The following ARID4B variants were observed in gnomAD, a reference collection of about 807,000 sequenced individuals.
The protein encoded by ARID4B is AT-rich interaction domain 4B.
In ARID4B, 26 loss-of-function variants were observed where a neutral mutation model predicts 147.5. That is an observed-to-expected ratio of 0.18 (90% confidence interval 0.13 to 0.24). The LOEUF (loss-of-function observed/expected upper bound fraction) is 0.24. Ranked by LOEUF, ARID4B falls within the 10% of genes least tolerant of loss-of-function variation. The probability of loss-of-function intolerance (pLI) is 1.00; values close to 1 mark genes in which losing one functional copy is unlikely to be tolerated. For missense variants in ARID4B, 1,179 were observed against 1,511.5 expected, an observed-to-expected ratio of 0.78 and a Z score of 3.65; for synonymous variants, 512 against 507.9, an observed-to-expected ratio of 1.01 and a Z score of -0.11.
chr1:235,297,912 G>T (rs1352632470), intron 2 of ARID4B, among the ~76,000 whole-genome samples: 1 of 152,188 alleles, frequency 6.6e-6, no homozygotes, highest in African/African-American at 2.4e-5. Context: ...ACTGCAATAT[G>T]AAGACTTTAT....
At chr1:235,174,694 C>A (rs1404043382) in intron 22 of ARID4B, among the ~76,000 whole-genome samples, 1 of 151,826 alleles carries the variant, frequency 6.6e-6, no homozygotes, top group Non-Finnish European at 1.5e-5. Flanking sequence ...CGTCTGTAAT[C>A]CCAACTACTC....
chr1:235,306,602 C>T (rs1046392780), intron 2 of ARID4B, among the ~76,000 whole-genome samples: 4 of 152,074 alleles, frequency 2.6e-5, no homozygotes, highest in Non-Finnish European at 4.4e-5. Flanking sequence ...AAAGCATCTG[C>T]TTAACATTCC....
intron 17 of ARID4B, among the ~76,000 whole-genome samples, chr1:235,213,286 GAATAAGGCTGT>G (rs2103006889): frequency 6.6e-6 from 1 of 152,250 alleles, no homozygotes; most frequent in East Asian, 1.9e-4. Flanking sequence ...TGAGACTTCT[GAATAAGGCTGT>G]AATGCAATAG....
intron 7 of ARID4B, among the ~76,000 whole-genome samples, chr1:235,241,461 A>T (rs1252313360): frequency 6.6e-6 from 1 of 152,200 alleles, no homozygotes; most frequent in East Asian, 1.9e-4. Context: ...AAAGTATGAC[A>T]AAGTAACCGT....
intron 19 of ARID4B, among the ~76,000 whole-genome samples, chr1:235,186,089 C>A: frequency 6.6e-6 from 1 of 151,888 alleles, no homozygotes; most frequent in South Asian, 2.1e-4. Flanking sequence ...CCTGCCTCAG[C>A]CTCCTGAGTA....
rs869157061 is a variant in ARID4B at position 235,236,862 on chromosome 1, A to AT, written c.586-2371dup. 7.9e-3 allele frequency among the ~76,000 whole-genome samples: 139 copies of AT among 17,496 alleles called. 24 individuals are homozygous for AT. Among genetic ancestry groups the AT allele is most frequent in the Admixed American group, 0.011 (9 of 816 alleles). The allele number at this position is 17,496 out of a possible 152,430, so 11.5% of individuals were successfully genotyped here. The stretch of plus-strand genomic sequence containing the variant: ...TATATATATATATATATATATATAT[A>AT]TTTTTTTTTTTTTTTTTTTTTTTTT... On this transcript the variant is annotated intron_variant, in intron 8 of 23. Coordinates refer to ENST00000264183, the MANE Select transcript of ARID4B (RefSeq NM_016374.6).
At chr1:235,220,740 T>G (rs1014732636) in intron 14 of ARID4B, among the ~76,000 whole-genome samples, 195 bp from the exon 15 acceptor site, 1 of 152,122 alleles carries the variant, frequency 6.6e-6, no homozygotes, top group Non-Finnish European at 1.5e-5. Flanking sequence ...TTTAAAACAC[T>G]GTGCTCAGAG....
chr1:235,247,847 G>C (rs1269190192), intron 6 of ARID4B, among the ~76,000 whole-genome samples: 1 of 152,002 alleles, frequency 6.6e-6, no homozygotes, highest in Non-Finnish European at 1.5e-5. Context: ...AATTAGCCTG[G>C]CATGGTGGTG....
intron 13 of ARID4B, among the ~76,000 whole-genome samples, chr1:235,222,058 C>T (rs1667510103): frequency 6.6e-6 from 1 of 151,824 alleles, no homozygotes; most frequent in Non-Finnish European, 1.5e-5. Context: ...TATAGATGCA[C>T]ACCACCACAC....
At chr1:235,294,812 C>T (rs2103223343) in intron 2 of ARID4B, among the ~76,000 whole-genome samples, 1 of 151,506 alleles carries the variant, frequency 6.6e-6, no homozygotes, top group Admixed American at 6.6e-5. Flanking sequence ...CCGTGCCCAG[C>T]CATATCTTTT....
At chr1:235,234,183 CTGAG>C (rs150087093) in intron 9 of ARID4B, among the ~76,000 whole-genome samples, 11 of 152,248 alleles carry the variant, frequency 7.2e-5, no homozygotes, top group African/African-American at 2.6e-4. Context: ...TTAGACAGTA[CTGAG>C]TGTCTAGTTT....
intron 2 of ARID4B, among the ~76,000 whole-genome samples, chr1:235,315,253 G>A (rs761670099): frequency 3.3e-5 from 5 of 152,084 alleles, no homozygotes; most frequent in Admixed American, 1.3e-4. Context: ...AGGAGACCCC[G>A]TCTCTACCAA....
chr1:235,172,128 G>C (rs1429273670), intron 23 of ARID4B, among the ~76,000 whole-genome samples: 12 of 152,086 alleles, frequency 7.9e-5, no homozygotes, highest in African/African-American at 2.9e-4. Context: ...CTATGAAAGT[G>C]AATATTATGA....
intron 2 of ARID4B, among the ~76,000 whole-genome samples, chr1:235,276,268 T>C (rs1018709621): frequency 6.6e-5 from 10 of 151,870 alleles, no homozygotes. Context: ...TTAGTAGCAT[T>C]AGCAAACTAA....
rs182351087 is a variant in ARID4B at position 235,326,998 on chromosome 1, A to C, written c.-49-30T>G. 16,227 of 1,458,262 alleles carry C rather than the reference A, an allele frequency of 0.011. 128 individuals carry two copies. The highest frequency in any genetic ancestry group is 0.012 in the Non-Finnish European group (12,659 of 1,038,974). 90.3% of individuals were successfully genotyped at this position (1,458,262 alleles called of 1,614,324 possible). ...AGGGGAAACAAAAGACACCCAGTCA[A>C]CACCACAGGAGCCCCTCTGCACTGG... On this transcript the variant is annotated intron_variant, in intron 1 of 23. Coordinates refer to ENST00000264183, the MANE Select transcript of ARID4B (RefSeq NM_016374.6).
chr1:235,243,891 G>A (rs902587617), intron 7 of ARID4B, among the ~76,000 whole-genome samples: 1 of 151,850 alleles, frequency 6.6e-6, no homozygotes, highest in African/African-American at 2.4e-5. Context: ...TTATCAAGGA[G>A]GAAATGAATC....
intron 2 of ARID4B, among the ~76,000 whole-genome samples, chr1:235,277,916 G>A (rs1160755849): frequency 3.9e-5 from 6 of 152,070 alleles, no homozygotes; most frequent in Non-Finnish European, 8.8e-5. Context: ...TTACTGGTAG[G>A]TCACAGTGGT....
chr1:235,172,504 G>A (rs1571886618), intron 23 of ARID4B, 114 bp downstream of exon 23: 4 of 637,754 alleles, frequency 6.3e-6, no homozygotes, highest in Admixed American at 7.5e-5. Flanking sequence ...TTTGAACCCA[G>A]GAGGTGGAGG....
rs781224982 is a variant in ARID4B at position 235,223,166 on chromosome 1, A to G, written c.1065T>C (p.Asn355=). Reference sequence around the variant, plus strand: ...GTTTCAGTTTGACTACAACACTCACATTATCAAATCCTCCAAGTTTGTGTA... The same window carrying G: ...GTTTCAGTTTGACTACAACACTCACGTTATCAAATCCTCCAAGTTTGTGTA... ...RLVHKLGGFD[N]IESGAVWKQV... Residue 355 remains asparagine, a splice_region_variant and synonymous_variant, in exon 13 of 24, where the codon AAT becomes AAC. Transcript: ENST00000264183. The G allele has an allele frequency of 5.8e-6, 9 of 1,548,146 alleles. No homozygotes were observed. The highest frequency in any genetic ancestry group is 1.7e-4 in the Middle Eastern group (1 of 5,970).
Sources: gnomAD v4.1 joint callset for allele counts (sites outside exome capture counted in the v4.1 genomes callset) on GRCh38, gnomAD v4.1.1 for gene constraint, MANE v1.5 for transcripts, NCBI Gene and HGNC (gene_info 2026-07-23, HGNC 2026-07-21) for gene names.